The following GAD1 variants were observed in gnomAD, a reference collection of about 807,000 sequenced individuals.
GAD1 encodes glutamate decarboxylase 1, also known as 67 kDa glutamic acid decarboxylase.
Under a neutral mutation model 75.2 loss-of-function variants are expected in GAD1, and 35 were observed. The observed-to-expected ratio is 0.47, with a 90% CI of 0.36 to 0.62. The LOEUF is 0.62. Among genes scored for constraint, GAD1 ranks in the 20% least tolerant of loss-of-function variants. The probability of loss-of-function intolerance (pLI) is 0.00; values close to 1 mark genes in which losing one functional copy is unlikely to be tolerated. For synonymous variants in GAD1, 257 were observed against 271.9 expected (o/e 0.95, Z 0.54); for missense variants, 490 against 758.5 (o/e 0.65, Z 4.16).
chr2:170,849,428 C>A (rs577757641), intron 12 of GAD1, 78 bp downstream of exon 12: 78 of 1,314,122 alleles, frequency 5.9e-5, no homozygotes, highest in Non-Finnish European at 8.1e-5. Flanking sequence ...CCTGCACCAC[C>A]CTGCCCTGAT....
intron 1 of GAD1, 176 bp downstream of exon 1, chr2:170,817,224 G>GACC (rs1701722471): frequency 6.1e-5 from 1 of 16,330 alleles, no homozygotes. Flanking sequence ...GCTGCGCAGG[G>GACC]ACCCCCCCCC....
Position 170,852,650 on chromosome 2 carries a change from T to C in GAD1, c.1185-64T>C, listed in dbSNP as rs568175310. ...ACTTGAGTTGGAATGGGTGTTTTCC[T>C]CAAGAGAACAGTTGCGTCTTTCCAA... On this transcript the variant is annotated intron_variant, in intron 12 of 16. Coordinates refer to ENST00000358196, the MANE Select transcript of GAD1 (RefSeq NM_000817.3). The C allele has an allele frequency of 4.3e-6, 6 of 1,410,642 alleles. No individual in the cohort carries two copies. In the African/African-American group the frequency reaches 8.4e-5, roughly 20 times the overall value. The allele number at this position is 1,410,642 out of a possible 1,614,324, so 87.4% of individuals were successfully genotyped here.
intron 3 of GAD1, among the ~76,000 whole-genome samples, chr2:170,824,139 C>A (rs1173555215): frequency 6.6e-6 from 1 of 152,306 alleles, no homozygotes; most frequent in Non-Finnish European, 1.5e-5. Context: ...GAGTTTCCTC[C>A]CTGTGTCTGC....
intron 5 of GAD1, among the ~76,000 whole-genome samples, chr2:170,834,686 C>G (rs975158208): frequency 1.1e-3 from 174 of 152,264 alleles, no homozygotes; most frequent in African/African-American, 4.0e-3. Context: ...TTTACCTGTA[C>G]CGCCATCCAT....
intron 12 of GAD1, among the ~76,000 whole-genome samples, chr2:170,851,332 T>C (rs558803242): frequency 6.6e-6 from 1 of 152,314 alleles, no homozygotes; most frequent in South Asian, 2.1e-4. Context: ...CAATGAGAAA[T>C]TTGATTAAAT....
chr2:170,858,777 T>G (rs371313114), intron 15 of GAD1, 27 bp from the exon 16 acceptor site: 7 of 1,608,002 alleles, frequency 4.4e-6, no homozygotes, highest in Non-Finnish European at 6.0e-6. Context: ...CCTAATTTTC[T>G]TTGTTTGTCT....
At chr2:170,845,829 G>A (rs747778379) in intron 9 of GAD1, 44 bp downstream of exon 9, 22 of 1,574,306 alleles carry the variant, frequency 1.4e-5, no homozygotes, top group Non-Finnish European at 3.5e-6. Context: ...TGTATTAAAT[G>A]TGTTCATCTG....
At chr2:170,844,742 T>C (rs1702595599) in intron 7 of GAD1, among the ~76,000 whole-genome samples, 1 of 152,158 alleles carries the variant, frequency 6.6e-6, no homozygotes, top group Non-Finnish European at 1.5e-5. Flanking sequence ...GTAGATAAAA[T>C]AAGAATTTTT....
chr2:170,825,017 C>T (rs1337389802), intron 3 of GAD1, among the ~76,000 whole-genome samples: 4 of 150,164 alleles, frequency 2.7e-5, no homozygotes, highest in Non-Finnish European at 6.0e-5. Context: ...CAAGTGCTCT[C>T]TTTTTCTGGT....
chr2:170,859,402 C>T (rs1702915738), intron 16 of GAD1, among the ~76,000 whole-genome samples: 1 of 152,104 alleles, frequency 6.6e-6, no homozygotes. Flanking sequence ...ATCCTGGGCT[C>T]TGGGTTATAC....
At chr2:170,824,378 T>TACACACACACACACACAC (rs10529529) in intron 3 of GAD1, among the ~76,000 whole-genome samples, 6 of 146,306 alleles carry the variant, frequency 4.1e-5, no homozygotes, top group African/African-American at 7.7e-5. Context: ...CCTGCCTGCC[T>TACACACACACACACACAC]ACACACACAC....
Position 170,818,357 on chromosome 2 carries a change from C to A in GAD1, c.-63-172C>A. The A allele has an allele frequency of 1.7e-6, 1 of 578,992 alleles. No homozygotes were observed. The highest frequency in any genetic ancestry group is 1.9e-5 in the African/African-American group (1 of 53,532). 35.9% of individuals were successfully genotyped at this position (578,992 alleles called of 1,614,324 possible). A position where few individuals can be genotyped will look rare whatever the true frequency, so the allele number is the denominator to read the frequency against. On this transcript the variant is annotated intron_variant, in intron 1 of 16. Transcript: ENST00000358196. The surrounding 1 kb of genome is among the most constrained non-coding windows in gnomAD (Gnocchi z 5.9). ...ACCGGAGCTAGCGCGCACGTCTCCTCCGCTGCCCCCACCCCTGCGCACCCC... is the reference window on the plus strand; with the variant it reads ...ACCGGAGCTAGCGCGCACGTCTCCTACGCTGCCCCCACCCCTGCGCACCCC...
chr2:170,821,268 C>T (rs1222594072), intron 2 of GAD1, among the ~76,000 whole-genome samples: 1 of 152,108 alleles, frequency 6.6e-6, no homozygotes, highest in Non-Finnish European at 1.5e-5. Context: ...GAAGTTGAAC[C>T]CCGAAGGCAG....
intron 2 of GAD1, among the ~76,000 whole-genome samples, chr2:170,821,306 A>G (rs1701872852): frequency 6.6e-6 from 1 of 152,206 alleles, no homozygotes; most frequent in Non-Finnish European, 1.5e-5. Context: ...GTTTGAGAAC[A>G]GCCTGGAAAA....
chr2:170,832,494 G>A (rs572666318), intron 5 of GAD1, among the ~76,000 whole-genome samples: 10 of 152,068 alleles, frequency 6.6e-5, no homozygotes, highest in African/African-American at 2.4e-4. Flanking sequence ...GATTACATCC[G>A]CAAAGACCCG....
At chr2:170,848,496 C>CAAAAAAA (rs368907107) in intron 11 of GAD1, among the ~76,000 whole-genome samples, 1 of 64,066 alleles carries the variant, frequency 1.6e-5, no homozygotes. Context: ...AACTCTGTCT[C>CAAAAAAA]AAAAAAAAAA....
intron 11 of GAD1, chr2:170,848,953 C>T (rs1702695056): frequency 2.3e-6 from 1 of 425,742 alleles, no homozygotes; most frequent in South Asian, 1.9e-5. Context: ...CAGAGCCACC[C>T]GGAGGGGGAC....
chr2:170,845,933 C>A, intron 9 of GAD1, 76 bp from the exon 10 acceptor site: 1 of 1,502,008 alleles, frequency 6.7e-7, no homozygotes, highest in African/African-American at 1.4e-5. Context: ...TTGCTTTTTG[C>A]TGCTGCTAAA....
At chr2:170,846,835 C>T (rs943098168) in intron 10 of GAD1, among the ~76,000 whole-genome samples, 1 of 152,114 alleles carries the variant, frequency 6.6e-6, no homozygotes, top group African/African-American at 2.4e-5. Context: ...GGGTAACCCA[C>T]ATCTCTGTAA....
Sources: allele counts gnomAD v4.1 joint callset (sites outside exome capture counted in the v4.1 genomes callset), GRCh38; gene constraint gnomAD v4.1.1; non-coding constraint Gnocchi (gnomAD v3.1); transcripts MANE v1.5; gene names NCBI Gene and HGNC (gene_info 2026-07-23, HGNC 2026-07-21).